Variants in INPP4B observed in about 807,000 individuals in gnomAD.
INPP4B encodes the protein inositol polyphosphate-4-phosphatase type II B.
INPP4B carries 55 observed loss-of-function variants against 122.5 expected under a neutral mutation model. That is an observed-to-expected ratio of 0.45 (90% CI 0.36 to 0.56). INPP4B has a LOEUF of 0.56. INPP4B is among the 20% of genes least tolerant of loss of function. INPP4B has a pLI of 0.00. For synonymous variants in INPP4B, 403 were observed against 388.7 expected (o/e 1.04, Z -0.43); for missense variants, 1,000 against 1,097.7 (o/e 0.91, Z 1.26).
intron 2 of INPP4B, among the ~76,000 whole-genome samples, chr4:142,658,726 A>C (rs1276443622): frequency 6.6e-6 from 1 of 152,152 alleles, no homozygotes; most frequent in African/African-American, 2.4e-5. Flanking sequence ...TAAGTAGACG[A>C]TCTTGACTTG....
intron 2 of INPP4B, among the ~76,000 whole-genome samples, chr4:142,472,322 A>C (rs1818984285): frequency 7.0e-6 from 1 of 142,158 alleles, no homozygotes; most frequent in African/African-American, 2.6e-5. Flanking sequence ...AGATCATTGT[A>C]GGAAAAAAAA....
chr4:142,145,978 C>T lies in INPP4B; in HGVS notation c.1582G>A (p.Val528Met). The T allele has an allele frequency of 6.2e-7, 1 of 1,613,486 alleles. No individual in the cohort carries two copies. The highest frequency in any genetic ancestry group is 8.5e-7 in the Non-Finnish European group (1 of 1,179,556). ...EEEWDRVWAN[V>M]GKSLNCIIAM... ...ATAATGCAGTTCAGGCTCTTCCCCA[C>T]ATTGGCCCACACCCTGTCCTGAAAA... Residue 528 changes from valine to methionine, a missense_variant, in exon 18 of 26, where the codon GTG becomes ATG. Val to Met is a conservative substitution (Grantham distance 21). Coordinates refer to ENST00000262992, the MANE Select transcript of INPP4B (RefSeq NM_001101669.3).
chr4:142,673,910 G>A (rs540383648), intron 2 of INPP4B, among the ~76,000 whole-genome samples: 8 of 152,174 alleles, frequency 5.3e-5, no homozygotes, highest in East Asian at 1.9e-4. Context: ...CTAGGTTACC[G>A]TTTCAGGCCC....
intron 23 of INPP4B, among the ~76,000 whole-genome samples, chr4:142,106,988 A>G (rs768502193): frequency 6.6e-6 from 1 of 152,186 alleles, no homozygotes; most frequent in Non-Finnish European, 1.5e-5. Flanking sequence ...TAATTGCTAA[A>G]GAAAAATAGT....
chr4:142,466,530 G>A (rs1817814140), intron 2 of INPP4B, among the ~76,000 whole-genome samples: 1 of 152,174 alleles, frequency 6.6e-6, no homozygotes, highest in African/African-American at 2.4e-5. Context: ...AATTAAAAGG[G>A]AAGCAGAGTG....
chr4:142,176,459 T>C (rs1828332870), intron 15 of INPP4B, among the ~76,000 whole-genome samples: 1 of 152,120 alleles, frequency 6.6e-6, no homozygotes, highest in African/African-American at 2.4e-5. Context: ...CTTCCTTCTT[T>C]ACTATTATTC....
At chr4:142,779,866 C>T (rs1774534321) in intron 1 of INPP4B, among the ~76,000 whole-genome samples, 2 of 152,004 alleles carry the variant, frequency 1.3e-5, no homozygotes, top group South Asian at 2.1e-4. Context: ...ATTACTTTTG[C>T]ACCAACCTAA....
intron 3 of INPP4B, among the ~76,000 whole-genome samples, chr4:142,441,762 A>G (rs1580071918): frequency 6.6e-6 from 1 of 151,486 alleles, no homozygotes; most frequent in Non-Finnish European, 1.5e-5. Context: ...CAGTGTCATC[A>G]CTCTACTTAG....
At chr4:142,254,162 A>C (rs994131533) in intron 11 of INPP4B, among the ~76,000 whole-genome samples, 2 of 152,260 alleles carry the variant, frequency 1.3e-5, no homozygotes, top group South Asian at 4.1e-4. Flanking sequence ...TAGAAGGAAA[A>C]CTAACAAACA....
intron 1 of INPP4B, among the ~76,000 whole-genome samples, chr4:142,840,850 A>G (rs1158763225): frequency 5.9e-5 from 9 of 152,024 alleles, no homozygotes; most frequent in African/African-American, 2.2e-4. Context: ...AATTCCTTCA[A>G]AATAAGAATG....
intron 2 of INPP4B, among the ~76,000 whole-genome samples, chr4:142,709,241 G>T (rs183605624): frequency 1.3e-5 from 2 of 152,238 alleles, no homozygotes; most frequent in South Asian, 2.1e-4. Context: ...CAGGCTCATA[G>T]GTGGAAAGGA....
At chr4:142,419,154 G>A (rs994260141) in intron 5 of INPP4B, among the ~76,000 whole-genome samples, 2 of 151,904 alleles carry the variant, frequency 1.3e-5, no homozygotes, top group African/African-American at 4.8e-5. Flanking sequence ...TATTTGGGGG[G>A]ACAAAAGTAA....
chr4:142,186,700 A>G (rs1264230627), intron 15 of INPP4B, among the ~76,000 whole-genome samples: 1 of 152,230 alleles, frequency 6.6e-6, no homozygotes, highest in South Asian at 2.1e-4. Context: ...TGGGCCATAA[A>G]CAAATTTTGT....
intron 2 of INPP4B, among the ~76,000 whole-genome samples, chr4:142,594,416 A>C (rs886914473): frequency 8.5e-5 from 13 of 152,168 alleles, no homozygotes; most frequent in African/African-American, 3.1e-4. Flanking sequence ...GTGTTTATTA[A>C]CTCATTTGTT....
intron 1 of INPP4B, among the ~76,000 whole-genome samples, chr4:142,828,340 G>A (rs893083454): frequency 4.6e-5 from 7 of 151,962 alleles, no homozygotes; most frequent in African/African-American, 1.2e-4. Context: ...GTGAAATATC[G>A]TCCATAAAAG....
intron 23 of INPP4B, among the ~76,000 whole-genome samples, chr4:142,094,053 T>G (rs974307574): frequency 6.6e-6 from 1 of 152,178 alleles, no homozygotes; most frequent in African/African-American, 2.4e-5. Flanking sequence ...CTGTTTATAT[T>G]TTTTTAAAGA....
At chr4:142,696,434 A>G (rs1326912588) in intron 2 of INPP4B, among the ~76,000 whole-genome samples, 1 of 152,148 alleles carries the variant, frequency 6.6e-6, no homozygotes, top group African/African-American at 2.4e-5. Context: ...GGGACAAAAT[A>G]TACACAAACA....
At chr4:142,487,686 G>C (rs1356989114) in intron 2 of INPP4B, among the ~76,000 whole-genome samples, 1 of 152,066 alleles carries the variant, frequency 6.6e-6, no homozygotes, top group Non-Finnish European at 1.5e-5. Flanking sequence ...TTTTACGTTT[G>C]GGGGATGTTA....
At chr4:142,764,030 G>T (rs897214022) in intron 1 of INPP4B, among the ~76,000 whole-genome samples, 4 of 151,978 alleles carry the variant, frequency 2.6e-5, no homozygotes, top group Non-Finnish European at 5.9e-5. Flanking sequence ...AGTTCAAAAA[G>T]TTATGACAGA....
Sources: allele counts gnomAD v4.1 joint callset (sites outside exome capture counted in the v4.1 genomes callset), GRCh38; gene constraint gnomAD v4.1.1; transcripts MANE v1.5; gene names NCBI Gene and HGNC (gene_info 2026-07-23, HGNC 2026-07-21).